The following SYCP2 variants were observed in gnomAD, a reference collection of about 807,000 sequenced individuals.
SYCP2 encodes the protein synaptonemal complex lateral element protein.
SYCP2 carries 55 observed loss-of-function variants against 211.3 expected under a neutral mutation model. That is an observed-to-expected ratio of 0.26 (90% CI 0.21 to 0.33). SYCP2 has a LOEUF of 0.33. Ranked by LOEUF, SYCP2 falls within the 10% of genes least tolerant of loss-of-function variation. The probability of loss-of-function intolerance (pLI) is 1.00; values close to 1 mark genes in which losing one functional copy is unlikely to be tolerated. For missense variants in SYCP2, 1,731 were observed against 1,752.0 expected (o/e 0.99, Z 0.21); for synonymous variants, 570 against 555.2 (o/e 1.03, Z -0.37).
At chr20:59,885,878 A>G in intron 26 of SYCP2, 50 bp downstream of exon 26, 1 of 1,401,366 alleles carries the variant, frequency 7.1e-7, no homozygotes, top group Non-Finnish European at 1.0e-6. Flanking sequence ...TTTATGGTCA[A>G]ATATTGAGTT....
At chr20:59,869,427 T>C (rs372967877) in intron 36 of SYCP2, among the ~76,000 whole-genome samples, 1 of 151,784 alleles carries the variant, frequency 6.6e-6, no homozygotes, top group Admixed American at 6.6e-5. Flanking sequence ...TGATTTTCTA[T>C]ATTTTACAGG....
At chr20:59,905,128 T>C (rs545150465) in intron 15 of SYCP2, among the ~76,000 whole-genome samples, 60 of 152,274 alleles carry the variant, frequency 3.9e-4, no homozygotes, top group African/African-American at 1.3e-3. Context: ...AGAAAGGATG[T>C]AGAACAAATG....
intron 12 of SYCP2, 111 bp downstream of exon 12, chr20:59,913,864 A>G (rs1208298849): frequency 2.8e-6 from 2 of 706,258 alleles, no homozygotes; most frequent in Non-Finnish European, 4.5e-6. Flanking sequence ...ACACTCCAAC[A>G]TAGTGTAGAG....
At chr20:59,917,226 C>T (rs958792185) in intron 7 of SYCP2, among the ~76,000 whole-genome samples, 7 of 151,956 alleles carry the variant, frequency 4.6e-5, no homozygotes, top group African/African-American at 1.4e-4. Flanking sequence ...TTTAGTTATA[C>T]ATCAAAAATT....
In SYCP2 at chr20:59,895,488, T is replaced by A; in HGVS notation, c.1614A>T (p.Ser538=). The A allele has an allele frequency of 6.2e-7, 1 of 1,612,982 alleles. No individual in the cohort carries two copies. Among genetic ancestry groups the A allele is most frequent in the Non-Finnish European group, 8.5e-7 (1 of 1,179,274 alleles). ...TTCCTTCTGATGATCTAGATTTCAGTGATGCAGCATTATCCACTCTATTTT... is the reference window on the plus strand; with the variant it reads ...TTCCTTCTGATGATCTAGATTTCAGAGATGCAGCATTATCCACTCTATTTT... The part of the protein sequence containing the change: ...TSENRVDNAA[S]LKSRSSEGRH... The change falls in exon 20 of 45, where the codon TCA becomes TCT. Residue 538 remains serine (S), a synonymous_variant. Coordinates refer to ENST00000357552, the MANE Select transcript of SYCP2 (RefSeq NM_014258.4).
At chr20:59,869,167 T>G (rs1040100768) in intron 36 of SYCP2, among the ~76,000 whole-genome samples, 1 of 151,736 alleles carries the variant, frequency 6.6e-6, no homozygotes, top group Non-Finnish European at 1.5e-5. Context: ...CTGCTTTTCA[T>G]TTCTTTATTA....
chr20:59,876,369 CAAAAAAAAAAAAAAAAAAAAAAAAAAAA>C (rs765782164), intron 33 of SYCP2, among the ~76,000 whole-genome samples: 4 of 23,076 alleles, frequency 1.7e-4, no homozygotes, highest in African/African-American at 2.5e-4. Flanking sequence ...GGCTGTGTCT[CAAAAAAAAAAAAAAAAAAAAAAAAAAAA>C]AAAAAAAAAA....
At chr20:59,907,466 C>T (rs1301130943) in intron 14 of SYCP2, 42 bp from the exon 15 acceptor site, 1 of 1,511,036 alleles carries the variant, frequency 6.6e-7, no homozygotes, top group Admixed American at 1.8e-5. Context: ...TAATTTATTT[C>T]TGATTTACAG....
Position 59,885,929 on chromosome 20 carries a change from T to C in SYCP2, c.2528A>G (p.Lys843Arg). ...FSNKPVVQLSKEKVQKKSYRK... is the reference protein window; with the variant it reads ...FSNKPVVQLSREKVQKKSYRK... Reference sequence around the variant, plus strand: ...TGAAGTTAAGTAAATAACACCTACCTTACTGAGTTGTACAACAGGTTTGTT... The same window carrying C: ...TGAAGTTAAGTAAATAACACCTACCCTACTGAGTTGTACAACAGGTTTGTT... Residue 843 changes from lysine to arginine, a missense_variant and splice_region_variant, in exon 26 of 45, where the codon AAG (lysine) becomes AGG (arginine). Transcript: ENST00000357552. 1 of 1,600,434 alleles carries C rather than the reference T, an allele frequency of 6.2e-7. No homozygotes were observed. Among genetic ancestry groups the C allele is most frequent in the Non-Finnish European group, 8.5e-7 (1 of 1,174,492 alleles).
At chr20:59,916,401 C>T in intron 8 of SYCP2, 85 bp downstream of exon 8, 1 of 757,536 alleles carries the variant, frequency 1.3e-6, no homozygotes, top group Non-Finnish European at 2.3e-6. Context: ...TTTTGTCCTA[C>T]ATGAAATAAA....
chr20:59,893,137 C>T lies in SYCP2; in HGVS notation c.1793+5G>A, dbSNP rs1297187557. The T allele has an allele frequency of 1.9e-6, 3 of 1,592,732 alleles. No individual in the cohort carries two copies. The highest frequency in any genetic ancestry group is 1.7e-4 in the Middle Eastern group (1 of 5,764). On this transcript the variant is annotated splice_donor_5th_base_variant and intron_variant, in intron 22 of 44. Transcript: ENST00000357552. ...TAAATGATTTGATGGTTTTCTCATA[C>T]TTACATAGTATGATCTCTTTTTTCC...
At chr20:59,929,037 T>A (rs191765664) in intron 2 of SYCP2, among the ~76,000 whole-genome samples, 107 of 152,084 alleles carry the variant, frequency 7.0e-4, no homozygotes, top group African/African-American at 2.5e-3. Flanking sequence ...ACATAAAAAG[T>A]ATTATTATGA....
intron 18 of SYCP2, among the ~76,000 whole-genome samples, chr20:59,899,877 CAAG>C (rs1310295825): frequency 1.1e-4 from 16 of 152,028 alleles, no homozygotes; most frequent in African/African-American, 2.2e-4. Context: ...AGGATACATT[CAAG>C]AAGGTTATCT....
intron 2 of SYCP2, among the ~76,000 whole-genome samples, chr20:59,925,084 C>A (rs1342225678): frequency 6.6e-6 from 1 of 151,922 alleles, no homozygotes; most frequent in African/African-American, 2.4e-5. Context: ...CTGCAATAAG[C>A]AATAAGCAAG....
Position 59,919,184 on chromosome 20 carries a change from T to C in SYCP2, c.403-2A>G. 8.2e-7 allele frequency: 1 copy of C among 1,220,306 alleles called. No individual in the cohort carries two copies. The highest frequency in any genetic ancestry group is 1.2e-6 in the Non-Finnish European group (1 of 846,276). 75.6% of individuals were successfully genotyped at this position (1,220,306 alleles called of 1,614,324 possible). On this transcript the variant is annotated splice_acceptor_variant, in intron 6 of 44. Coordinates refer to ENST00000357552, the MANE Select transcript of SYCP2 (RefSeq NM_014258.4). LOFTEE classifies it high-confidence loss of function. ...TTCATCACTGACATCATGTATGACC[T>C]GAAAAAAAGTGAATAATATTTAATT...
rs751304918 is a variant in SYCP2 at position 59,882,092 on chromosome 20, T to A, written c.2600+3A>T. ...AATGAAAAATATTACAAAAAATACT[T>A]ACACTGGGCATTCAGAAGTAACATT... On this transcript the variant is annotated splice_donor_region_variant and intron_variant, in intron 27 of 44. Coordinates refer to ENST00000357552, the MANE Select transcript of SYCP2 (RefSeq NM_014258.4). The A allele has an allele frequency of 1.2e-5, 20 of 1,612,150 alleles. No individual in the cohort carries two copies. Among genetic ancestry groups the A allele is most frequent in the Non-Finnish European group, 1.7e-5 (20 of 1,178,904 alleles).
At chr20:59,906,223 A>C (rs1373128533) in intron 15 of SYCP2, among the ~76,000 whole-genome samples, 2 of 152,166 alleles carry the variant, frequency 1.3e-5, no homozygotes, top group Non-Finnish European at 2.9e-5. Context: ...ATAGAAGCTC[A>C]AAAGGCCTAT....
Position 59,915,191 on chromosome 20 carries a change from ATAC to A in SYCP2, c.605_607del (p.Ser202del). ...TCCAGCATCTAAAATCCTTTCTCCC[ATAC>A]TACTCCTGTGAATTAAAATAACAGA... On this transcript the variant is annotated inframe_deletion, in exon 10 of 45. Coordinates refer to ENST00000357552, the MANE Select transcript of SYCP2 (RefSeq NM_014258.4). The A allele has an allele frequency of 6.3e-7, 1 of 1,579,286 alleles. No individual in the cohort carries two copies. Among genetic ancestry groups the A allele is most frequent in the Non-Finnish European group, 8.7e-7 (1 of 1,150,066 alleles).
chr20:59,891,279 T>C (rs2059900095), intron 24 of SYCP2, among the ~76,000 whole-genome samples: 1 of 151,962 alleles, frequency 6.6e-6, no homozygotes, highest in Admixed American at 6.6e-5. Context: ...GTATTCTAAT[T>C]AAAAAATTTT....
Sources: gnomAD v4.1 joint callset for allele counts (sites outside exome capture counted in the v4.1 genomes callset) on GRCh38, gnomAD v4.1.1 for gene constraint, MANE v1.5 for transcripts, NCBI Gene and HGNC (gene_info 2026-07-23, HGNC 2026-07-21) for gene names.